Variants in STARD13 observed in about 807,000 individuals in gnomAD.
The protein encoded by STARD13 is StAR related lipid transfer domain containing 13.
A neutral mutation model predicts 106.4 loss-of-function variants in STARD13; 62 were observed. The ratio of observed to expected loss-of-function variants is 0.58; its 90% CI spans 0.48 to 0.72. The LOEUF is 0.72. Ranked by LOEUF, STARD13 falls within the 30% of genes least tolerant of loss-of-function variation. The pLI, the probability that STARD13 is intolerant of heterozygous loss-of-function variation, is 0.00. For synonymous variants in STARD13, 565 were observed against 553.0 expected (o/e 1.02, Z -0.31); for missense variants, 1,387 against 1,424.0 (o/e 0.97, Z 0.42).
At chr13:33,390,870 C>A in the STARD13 span, among the ~76,000 whole-genome samples, 1 of 152,148 alleles carries the variant, frequency 6.6e-6, no homozygotes, top group South Asian at 2.1e-4. Context: ...TCCCTTTTCT[C>A]CTCTAGATAA....
chr13:33,212,380 C>T (rs751118833), intron 1 of STARD13, among the ~76,000 whole-genome samples: 1 of 152,054 alleles, frequency 6.6e-6, no homozygotes, highest in Non-Finnish European at 1.5e-5. Flanking sequence ...TTTCTACTCC[C>T]ATTTTAAGCA....
chr13:33,557,312 C>A, the STARD13 span, among the ~76,000 whole-genome samples: 1 of 151,924 alleles, frequency 6.6e-6, no homozygotes, highest in African/African-American at 2.4e-5. Flanking sequence ...TTCACCCGGG[C>A]GATGTAATGA....
At chr13:33,193,240 GAA>G in intron 1 of STARD13, among the ~76,000 whole-genome samples, 1 of 152,290 alleles carries the variant, frequency 6.6e-6, no homozygotes, top group South Asian at 2.1e-4. Flanking sequence ...TGAGGAGTAA[GAA>G]AAGAGATCAT....
chr13:33,622,143 A>AG, the STARD13 span, among the ~76,000 whole-genome samples: 8 of 152,192 alleles, frequency 5.3e-5, no homozygotes, highest in Middle Eastern at 3.2e-3. Context: ...AAAAACAAAA[A>AG]GAAAAAAATC....
chr13:33,171,556 G>A (rs1199074024), intron 1 of STARD13, among the ~76,000 whole-genome samples: 1 of 152,190 alleles, frequency 6.6e-6, no homozygotes, highest in Non-Finnish European at 1.5e-5. Context: ...CATGGTTTAT[G>A]TAGGGCTGAC....
chr13:33,623,428 TAA>T, the STARD13 span, among the ~76,000 whole-genome samples: 60 of 59,346 alleles, frequency 1.0e-3, no homozygotes, highest in East Asian at 2.0e-3. Flanking sequence ...CTCAATAAAG[TAA>T]AAAAAAAAAA....
At chr13:33,457,674 T>C in the STARD13 span, among the ~76,000 whole-genome samples, 1 of 152,200 alleles carries the variant, frequency 6.6e-6, no homozygotes, top group South Asian at 2.1e-4. Context: ...AATTGGTGTC[T>C]GCTGAGTGCC....
intron 7 of STARD13, among the ~76,000 whole-genome samples, chr13:33,119,804 T>C (rs1172831508): frequency 6.6e-6 from 1 of 152,206 alleles, no homozygotes; most frequent in Non-Finnish European, 1.5e-5. Context: ...TTGGAATGTC[T>C]AGAAAATGCA....
chr13:33,569,290 T>C, the STARD13 span, among the ~76,000 whole-genome samples: 1 of 147,992 alleles, frequency 6.8e-6, no homozygotes, highest in Admixed American at 7.0e-5. Flanking sequence ...ATTGGTTGAA[T>C]ACTTCGAAGA....
the STARD13 span, among the ~76,000 whole-genome samples, chr13:33,635,529 G>A: frequency 1.3e-5 from 2 of 151,932 alleles, no homozygotes; most frequent in African/African-American, 4.8e-5. Context: ...GTGTGGTGGT[G>A]GGCGCCTGTA....
At chr13:33,169,304 C>T in intron 1 of STARD13, among the ~76,000 whole-genome samples, 1 of 152,220 alleles carries the variant, frequency 6.6e-6, no homozygotes, top group East Asian at 1.9e-4. Flanking sequence ...TTGCATTGCT[C>T]AAAAGTTCTA....
At chr13:33,640,372 C>T in the STARD13 span, among the ~76,000 whole-genome samples, 27 of 152,184 alleles carry the variant, frequency 1.8e-4, no homozygotes, top group African/African-American at 6.5e-4. Flanking sequence ...TAAATAACTT[C>T]TAATAGGCCA....
At chr13:33,663,652 C>T in the STARD13 span, among the ~76,000 whole-genome samples, 2 of 152,218 alleles carry the variant, frequency 1.3e-5, no homozygotes. Context: ...GGGAGTATGA[C>T]TATAAGGGAA....
chr13:33,342,369 T>C (rs540262435), intron 1 of STARD13, among the ~76,000 whole-genome samples: 1 of 152,212 alleles, frequency 6.6e-6, no homozygotes, highest in Non-Finnish European at 1.5e-5. Context: ...GGAGTGCTCA[T>C]GCTAAAAACA....
chr13:33,139,841 G>C (rs566347115), intron 4 of STARD13, among the ~76,000 whole-genome samples: 1 of 152,204 alleles, frequency 6.6e-6, no homozygotes, highest in African/African-American at 2.4e-5. Context: ...TGTCACAACA[G>C]TGTCTCCTAA....
At chr13:33,189,439 GAAGGAGGGA>G (rs1886072839) in intron 1 of STARD13, among the ~76,000 whole-genome samples, 1 of 109,504 alleles carries the variant, frequency 9.1e-6, no homozygotes, top group African/African-American at 3.1e-5. Flanking sequence ...CCTTTCGGAG[GAAGGAGGGA>G]AAGCAGGAGG....
chr13:33,396,564 CTG>C, the STARD13 span, among the ~76,000 whole-genome samples: 1 of 152,068 alleles, frequency 6.6e-6, no homozygotes, highest in East Asian at 1.9e-4. Flanking sequence ...TTCAGTATAA[CTG>C]TTATATTATT....
intron 1 of STARD13, among the ~76,000 whole-genome samples, chr13:33,262,242 G>A (rs1303778244): frequency 6.6e-6 from 1 of 152,200 alleles, no homozygotes; most frequent in East Asian, 1.9e-4. Flanking sequence ...CAGCAAGGAT[G>A]ACTCACAGTG....
the STARD13 span, among the ~76,000 whole-genome samples, chr13:33,585,203 A>G: frequency 6.6e-6 from 1 of 152,216 alleles, no homozygotes; most frequent in Non-Finnish European, 1.5e-5. Flanking sequence ...TACAATCACT[A>G]TGGAAAATAG....
Sources: allele counts gnomAD v4.1 joint callset (sites outside exome capture counted in the v4.1 genomes callset), GRCh38; gene constraint gnomAD v4.1.1; transcripts MANE v1.5; gene names NCBI Gene and HGNC (gene_info 2026-07-23, HGNC 2026-07-21).